Variants in SLC35F1 observed in about 807,000 individuals in gnomAD.
SLC35F1 encodes the protein chromosome 6 open reading frame 169.
Under a neutral mutation model 48.7 loss-of-function variants are expected in SLC35F1, and 14 were observed. The ratio of observed to expected loss-of-function variants is 0.29; its 90% CI spans 0.19 to 0.45. The LOEUF (loss-of-function observed/expected upper bound fraction) is 0.45, where lower values mean the gene tolerates loss of function less well. Among genes scored for constraint, SLC35F1 ranks in the 20% least tolerant of loss-of-function variants. SLC35F1 has a pLI of 1.00. For missense variants in SLC35F1, 404 were observed against 500.0 expected (o/e 0.81, Z 1.83); for synonymous variants, 190 against 202.2 (o/e 0.94, Z 0.51).
intron 2 of SLC35F1, among the ~76,000 whole-genome samples, chr6:118,215,978 T>C (rs1211464837): frequency 6.6e-6 from 1 of 152,308 alleles, no homozygotes; most frequent in East Asian, 1.9e-4. Flanking sequence ...GTATCATAGA[T>C]TTTCATAAGA....
At position 118,202,589 on chromosome 6, in the gene SLC35F1, A is replaced by G. The variant is rs573903539; in HGVS notation, c.350-32920A>G. On this transcript the variant is annotated intron_variant, in intron 2 of 7. Coordinates refer to ENST00000360388, the MANE Select transcript of SLC35F1 (RefSeq NM_001029858.4). ...TCACAAAGTGTCTGGTACCTACTGG[A>G]TGGTAGATAAGTTCATTGAGTGCTA... Among the ~76,000 whole-genome samples the G allele has an allele frequency of 4.6e-5, 7 of 152,316 alleles. No individual in the cohort carries two copies. In the South Asian group the frequency reaches 1.2e-3, roughly 27 times the overall value.
intron 1 of SLC35F1, among the ~76,000 whole-genome samples, chr6:118,113,837 T>C (rs1773441488): frequency 1.3e-5 from 2 of 152,216 alleles, no homozygotes; most frequent in Admixed American, 6.5e-5. Context: ...GGTTTAATAA[T>C]GTTGTGCTAT....
intron 1 of SLC35F1, among the ~76,000 whole-genome samples, chr6:118,088,542 G>A (rs1773025323): frequency 6.6e-6 from 1 of 152,250 alleles, no homozygotes; most frequent in African/African-American, 2.4e-5. Flanking sequence ...AGTGGATGTT[G>A]AACATTCATT....
At chr6:118,044,545 G>A (rs1277079831) in intron 1 of SLC35F1, among the ~76,000 whole-genome samples, 2 of 152,108 alleles carry the variant, frequency 1.3e-5, no homozygotes, top group African/African-American at 2.4e-5. Context: ...GGGAGGCCCT[G>A]GCAGTATTTC....
At chr6:118,163,414 ACACT>A (rs1774269055) in intron 2 of SLC35F1, among the ~76,000 whole-genome samples, 2 of 79,956 alleles carry the variant, frequency 2.5e-5, no homozygotes, top group Non-Finnish European at 4.8e-5. Flanking sequence ...ATACACAAAC[ACACT>A]CACACTCACA....
chr6:118,211,475 A>G (rs1035810161), intron 2 of SLC35F1, among the ~76,000 whole-genome samples: 1 of 152,342 alleles, frequency 6.6e-6, no homozygotes, highest in Middle Eastern at 3.4e-3. Context: ...TGCATATACA[A>G]TAGTCTTACT....
At chr6:118,017,918 A>G (rs773099437) in intron 1 of SLC35F1, among the ~76,000 whole-genome samples, 21 of 152,334 alleles carry the variant, frequency 1.4e-4, no homozygotes, top group Admixed American at 3.3e-4. Context: ...TGGCATAGTA[A>G]CAGTTCATAT....
chr6:118,297,911 G>A (rs1386739572), intron 7 of SLC35F1, among the ~76,000 whole-genome samples: 4 of 151,716 alleles, frequency 2.6e-5, no homozygotes, highest in East Asian at 1.9e-4. Flanking sequence ...TGGGTCATGA[G>A]GGCGGATTCC....
intron 2 of SLC35F1, among the ~76,000 whole-genome samples, chr6:118,172,663 C>G (rs1273727391): frequency 1.3e-5 from 2 of 151,760 alleles, no homozygotes; most frequent in Non-Finnish European, 2.9e-5. Flanking sequence ...TTTCCTGGCT[C>G]AAAAAAATGG....
intron 2 of SLC35F1, among the ~76,000 whole-genome samples, chr6:118,199,731 A>G (rs76413108): frequency 0.015 from 2,251 of 152,304 alleles, 53 homozygotes; most frequent in African/African-American, 0.051. Flanking sequence ...AGACACTATT[A>G]GTATTTCTAT....
chr6:118,081,670 C>A (rs150728567), intron 1 of SLC35F1, among the ~76,000 whole-genome samples: 1 of 152,232 alleles, frequency 6.6e-6, no homozygotes, highest in East Asian at 1.9e-4. Context: ...CCAGATACAA[C>A]CTCATCTGTT....
At chr6:117,928,405 T>C (rs1002569586) in intron 1 of SLC35F1, among the ~76,000 whole-genome samples, 5 of 152,118 alleles carry the variant, frequency 3.3e-5, no homozygotes, top group Non-Finnish European at 7.4e-5. Flanking sequence ...ACCTATTTAC[T>C]TAGGGAAGGG....
intron 1 of SLC35F1, among the ~76,000 whole-genome samples, chr6:118,013,743 TG>T (rs1178646451): frequency 1.3e-5 from 2 of 152,198 alleles, no homozygotes; most frequent in Non-Finnish European, 2.9e-5. Context: ...CTGATTTGAT[TG>T]TTTTAGCATG....
intron 2 of SLC35F1, among the ~76,000 whole-genome samples, chr6:118,190,291 T>G (rs1438127972): frequency 6.6e-6 from 1 of 152,184 alleles, no homozygotes; most frequent in Non-Finnish European, 1.5e-5. Context: ...CAAAACCTGG[T>G]CTGTTCTGGA....
chr6:118,074,088 T>C (rs921910868), intron 1 of SLC35F1, among the ~76,000 whole-genome samples: 2 of 152,220 alleles, frequency 1.3e-5, no homozygotes, highest in Admixed American at 6.5e-5. Flanking sequence ...GTTTTTATAA[T>C]TATGCCCTGC....
intron 1 of SLC35F1, among the ~76,000 whole-genome samples, chr6:117,928,567 A>G (rs908094666): frequency 6.6e-6 from 1 of 152,208 alleles, no homozygotes; most frequent in Non-Finnish European, 1.5e-5. Context: ...GGCCTCCAGA[A>G]TAGTTATTTT....
chr6:118,277,651 G>A, intron 6 of SLC35F1, 105 bp downstream of exon 6: 1 of 954,396 alleles, frequency 1.0e-6, no homozygotes, highest in Non-Finnish European at 1.7e-6. Flanking sequence ...ATTTAGAGTG[G>A]TAGGGGACAA....
intron 1 of SLC35F1, among the ~76,000 whole-genome samples, chr6:118,054,012 A>G (rs1291028667): frequency 1.3e-5 from 2 of 152,236 alleles, no homozygotes; most frequent in African/African-American, 2.4e-5. Flanking sequence ...ACATATGCCA[A>G]ATGGTACTTT....
intron 1 of SLC35F1, among the ~76,000 whole-genome samples, chr6:118,056,742 A>G (rs750859299): frequency 1.3e-4 from 20 of 152,200 alleles, no homozygotes; most frequent in Non-Finnish European, 1.9e-4. Flanking sequence ...GTCTTTATAC[A>G]AAGACTTTTT....
Sources: gnomAD v4.1 joint callset for allele counts (sites outside exome capture counted in the v4.1 genomes callset) on GRCh38, gnomAD v4.1.1 for gene constraint, MANE v1.5 for transcripts, NCBI Gene and HGNC (gene_info 2026-07-23, HGNC 2026-07-21) for gene names.